ARHGEF12: variants seen among roughly 807,000 people sequenced by gnomAD.
The protein encoded by ARHGEF12 is Rho guanine nucleotide exchange factor 12.
A neutral mutation model predicts 211.2 loss-of-function variants in ARHGEF12; 66 were observed. The ratio of observed to expected loss-of-function variants is 0.31; its 90% CI spans 0.26 to 0.38. The LOEUF is 0.38. ARHGEF12 is among the 10% of genes least tolerant of loss of function. The pLI, the probability that ARHGEF12 is intolerant of heterozygous loss-of-function variation, is 1.00. For synonymous variants in ARHGEF12, 592 were observed against 638.4 expected (o/e 0.93, Z 1.09); for missense variants, 1,429 against 1,869.5 (o/e 0.76, Z 4.34).
At chr11:120,411,630 C>G (rs1401527418) in intron 4 of ARHGEF12, 1 of 120,398 alleles carries the variant, frequency 8.3e-6, no homozygotes, top group Admixed American at 1.0e-4. Flanking sequence ...CGCTGTGTGG[C>G]CCAGGATGGA....
intron 4 of ARHGEF12, among the ~76,000 whole-genome samples, chr11:120,417,342 A>G (rs1205626691): frequency 2.0e-5 from 3 of 152,140 alleles, no homozygotes; most frequent in African/African-American, 7.2e-5. Flanking sequence ...CGAATATAGT[A>G]TGAAAAAACG....
intron 28 of ARHGEF12, among the ~76,000 whole-genome samples, chr11:120,466,086 A>G (rs765988874): frequency 1.3e-5 from 2 of 152,224 alleles, no homozygotes; most frequent in Non-Finnish European, 2.9e-5. Flanking sequence ...TTATGTAAAT[A>G]CAAACATGGC....
At position 120,481,435 on chromosome 11, in the gene ARHGEF12, C is replaced by T; in HGVS notation, c.4413C>T (p.Thr1471=). The T allele has an allele frequency of 1.2e-6, 2 of 1,614,168 alleles. No homozygotes were observed. The highest frequency in any genetic ancestry group is 1.1e-5 in the South Asian group (1 of 91,076). Reference sequence around the variant, plus strand: ...CCGATGGGGCAATTTCACCATTCACCCCCGAATTTCTGGTCCAGCAGCGCT... The same window carrying T: ...CCGATGGGGCAATTTCACCATTCACTCCCGAATTTCTGGTCCAGCAGCGCT... The part of the protein sequence containing the change: ...THSDGAISPF[T]PEFLVQQRWG... Residue 1471 remains threonine, a synonymous_variant, in exon 39 of 41, where the codon ACC becomes ACT. Coordinates refer to ENST00000397843, the MANE Select transcript of ARHGEF12 (RefSeq NM_015313.3).
At chr11:120,392,922 C>A (rs549165917) in intron 1 of ARHGEF12, among the ~76,000 whole-genome samples, 15 of 152,182 alleles carry the variant, frequency 9.9e-5, no homozygotes, top group Non-Finnish European at 2.1e-4. Context: ...CAAAAAGGCC[C>A]ATCACTGTTG....
intron 1 of ARHGEF12, among the ~76,000 whole-genome samples, chr11:120,376,612 A>G (rs1379727838): frequency 6.6e-6 from 1 of 152,188 alleles, no homozygotes; most frequent in Non-Finnish European, 1.5e-5. Context: ...TAAATGGGGT[A>G]TCTATTACCT....
chr11:120,448,477 A>T (rs893531196), intron 20 of ARHGEF12, 129 bp downstream of exon 20: 1 of 667,042 alleles, frequency 1.5e-6, no homozygotes, highest in African/African-American at 1.8e-5. Flanking sequence ...CATTTATAAG[A>T]TACTGTCTCT....
In ARHGEF12 at chr11:120,481,225, C is replaced by G. The variant is rs200841742; in HGVS notation, c.4238-35C>G. On this transcript the variant is annotated intron_variant, in intron 38 of 40. Transcript: ENST00000397843. Reference sequence around the variant, plus strand: ...CTATTTCTGTTTTCTAATGGCAGCACTGGTCTTATCAAACTATTCTGTCTC... The same window carrying G: ...CTATTTCTGTTTTCTAATGGCAGCAGTGGTCTTATCAAACTATTCTGTCTC... The G allele has an allele frequency of 1.8e-4, 288 of 1,585,168 alleles. 1 individual carries two copies. The African/African-American group carries it at 2.8e-3, about 16-fold the overall frequency.
At chr11:120,404,326 G>A (rs1463255413) in intron 1 of ARHGEF12, among the ~76,000 whole-genome samples, 1 of 152,080 alleles carries the variant, frequency 6.6e-6, no homozygotes, top group Non-Finnish European at 1.5e-5. Flanking sequence ...TAGCCAAGAA[G>A]GTTCTTGACA....
At position 120,477,428 on chromosome 11, in the gene ARHGEF12, T is replaced by TG; in HGVS notation, c.3453-19_3453-18insG. 1.3e-6 allele frequency: 2 copies of TG among 1,548,638 alleles called. No homozygotes were observed. The highest frequency in any genetic ancestry group is 1.3e-5 in the South Asian group (1 of 79,818). On this transcript the variant is annotated intron_variant, in intron 35 of 40. Coordinates refer to ENST00000397843, the MANE Select transcript of ARHGEF12 (RefSeq NM_015313.3). ...CCTCAGGAAGGTAAAAGTTTTTTTT[T>TG]TTTTTTTTTTCTCTACAGAGGAGAT...
At chr11:120,454,144 A>C (rs1246963116) in intron 22 of ARHGEF12, among the ~76,000 whole-genome samples, 1 of 152,238 alleles carries the variant, frequency 6.6e-6, no homozygotes, top group African/African-American at 2.4e-5. Context: ...GAGAGCTCTC[A>C]ACTGAAACAG....
rs766763144 is a variant in ARHGEF12 at position 120,431,894 on chromosome 11, A to G, written c.907A>G (p.Ser303Gly). 3.1e-6 allele frequency: 5 copies of G among 1,603,884 alleles called. No individual in the cohort carries two copies. Among genetic ancestry groups the G allele is most frequent in the Non-Finnish European group, 4.2e-6 (5 of 1,176,778 alleles). The change falls in exon 11 of 41, where the codon AGT (serine) becomes GGT (glycine). Residue 303 changes from serine (S) to glycine (G), a missense_variant. Ser to Gly is a moderately conservative substitution (Grantham distance 56). Coordinates refer to ENST00000397843, the MANE Select transcript of ARHGEF12 (RefSeq NM_015313.3). ...TAGCAGTGGAGATGCTTCTCGGCCC[A>G]GTAGTGACAATGCAGATGTAAGCTT... ...DCSSGDASRP[S>G]SDNADSPKSG...
At chr11:120,470,540 A>C (rs771956199) in intron 30 of ARHGEF12, among the ~76,000 whole-genome samples, 1 of 152,190 alleles carries the variant, frequency 6.6e-6, no homozygotes, top group South Asian at 2.1e-4. Context: ...GCCCACCTCT[A>C]AGAGGACCAT....
intron 2 of ARHGEF12, 50 bp from the exon 3 acceptor site, chr11:120,407,688 T>G (rs1019755111): frequency 2.9e-6 from 4 of 1,403,330 alleles, no homozygotes; most frequent in Non-Finnish European, 3.0e-6. Flanking sequence ...AAATTTTTTA[T>G]TCTAATGATT....
chr11:120,344,439 C>G (rs1348417325), intron 1 of ARHGEF12, among the ~76,000 whole-genome samples: 5 of 152,040 alleles, frequency 3.3e-5, no homozygotes, highest in Non-Finnish European at 7.4e-5. Flanking sequence ...CTTAGACATA[C>G]CCTTCCATAG....
At chr11:120,340,027 TAA>T (rs934546936) in intron 1 of ARHGEF12, among the ~76,000 whole-genome samples, 5 of 152,070 alleles carry the variant, frequency 3.3e-5, no homozygotes, top group Non-Finnish European at 7.4e-5. Flanking sequence ...CAAACAGCTT[TAA>T]AAAAAATGGT....
At chr11:120,359,730 T>G (rs992243620) in intron 1 of ARHGEF12, among the ~76,000 whole-genome samples, 2 of 152,204 alleles carry the variant, frequency 1.3e-5, no homozygotes, top group Non-Finnish European at 2.9e-5. Context: ...AGACAGTTAA[T>G]ATAGTATCTT....
chr11:120,366,540 A>G (rs1255028790), intron 1 of ARHGEF12, among the ~76,000 whole-genome samples: 1 of 152,164 alleles, frequency 6.6e-6, no homozygotes, highest in African/African-American at 2.4e-5. Context: ...CAATTCAAAT[A>G]TGGAGTTCCT....
In ARHGEF12 at chr11:120,477,419, GTTTTTTTTT is replaced by G; in HGVS notation, c.3453-17_3453-9del. 4.0e-6 allele frequency: 5 copies of G among 1,251,434 alleles called. No homozygotes were observed. Among genetic ancestry groups the G allele is most frequent in the South Asian group, 2.8e-5 (2 of 70,612 alleles). The allele number at this position is 1,251,434 out of a possible 1,614,324, so 77.5% of individuals were successfully genotyped here. A position where few individuals can be genotyped will look rare whatever the true frequency, so the allele number is the denominator to read the frequency against. Reference sequence around the variant, plus strand: ...GTTTAGATACCTCAGGAAGGTAAAAGTTTTTTTTTTTTTTTTTTTCTCTACAGAGGAGAT... The same window carrying G: ...GTTTAGATACCTCAGGAAGGTAAAAGTTTTTTTTTTCTCTACAGAGGAGAT... On this transcript the variant is annotated intron_variant, in intron 35 of 40. Coordinates refer to ENST00000397843, the MANE Select transcript of ARHGEF12 (RefSeq NM_015313.3).
Position 120,481,372 on chromosome 11 carries a change from C to T in ARHGEF12, c.4350C>T (p.Ser1450=), listed in dbSNP as rs35811219. 1.0e-3 allele frequency: 1,676 copies of T among 1,614,148 alleles called. 12 individuals carry two copies. In the African/African-American group the frequency reaches 0.015, roughly 14 times the overall value. ...TGACAGGCATCCCTGCTGTGGAATC[C>T]ACCCACCAGCAGCAACATTCTCCTC... The part of the protein sequence containing the change: ...QPMTGIPAVE[S]THQQQHSPQN... Residue 1450 remains serine (S), a synonymous_variant, in exon 39 of 41, where the codon TCC becomes TCT. Coordinates refer to ENST00000397843, the MANE Select transcript of ARHGEF12 (RefSeq NM_015313.3).
Sources: gnomAD v4.1 joint callset for allele counts (sites outside exome capture counted in the v4.1 genomes callset) on GRCh38, gnomAD v4.1.1 for gene constraint, MANE v1.5 for transcripts, NCBI Gene and HGNC (gene_info 2026-07-23, HGNC 2026-07-21) for gene names.